ARHGAP21: variants seen among roughly 807,000 people sequenced by gnomAD.
ARHGAP21 encodes the protein rho GTPase-activating protein 21.
In ARHGAP21, 38 loss-of-function variants were observed where a neutral mutation model predicts 164.6. The observed-to-expected ratio is 0.23, with a 90% CI of 0.18 to 0.30. The LOEUF (loss-of-function observed/expected upper bound fraction) is 0.30. ARHGAP21 is among the 10% of genes least tolerant of loss of function. ARHGAP21 has a pLI of 1.00. For missense variants in ARHGAP21, 1,822 were observed against 2,370.7 expected (o/e 0.77, Z 4.81); for synonymous variants, 766 against 857.9 (o/e 0.89, Z 1.87).
At chr10:24,670,476 T>C in intron 2 of ARHGAP21, 79 bp from the exon 3 acceptor site, 1 of 976,098 alleles carries the variant, frequency 1.0e-6, no homozygotes, top group South Asian at 3.3e-5. Context: ...TGTAAAAATG[T>C]TAATACCTGA....
chr10:24,705,874 C>A (rs975465317), intron 2 of ARHGAP21, among the ~76,000 whole-genome samples: 1 of 152,046 alleles, frequency 6.6e-6, no homozygotes, highest in South Asian at 2.1e-4. Flanking sequence ...ATATTATCTA[C>A]GATTAACAAC....
At chr10:24,591,858 G>A (rs369840767) in intron 22 of ARHGAP21, 29 bp downstream of exon 22, 1 of 1,597,460 alleles carries the variant, frequency 6.3e-7, no homozygotes, top group Non-Finnish European at 8.5e-7. Context: ...GATGAAGCAT[G>A]AACTTACAGA....
At chr10:24,674,189 G>C (rs1457453728) in intron 2 of ARHGAP21, among the ~76,000 whole-genome samples, 1 of 152,142 alleles carries the variant, frequency 6.6e-6, no homozygotes, top group African/African-American at 2.4e-5. Context: ...CCAGGAGTTT[G>C]AGACCTGCCT....
At chr10:24,608,430 T>G (rs895211791) in intron 9 of ARHGAP21, among the ~76,000 whole-genome samples, 1 of 152,138 alleles carries the variant, frequency 6.6e-6, no homozygotes, top group African/African-American at 2.4e-5. Flanking sequence ...CCAGGGCCAT[T>G]TGCACAAAAT....
At chr10:24,653,429 A>T (rs534990964) in intron 4 of ARHGAP21, among the ~76,000 whole-genome samples, 8 of 152,288 alleles carry the variant, frequency 5.3e-5, no homozygotes, top group African/African-American at 1.9e-4. Context: ...AAAAAAAATT[A>T]GCCAGGCGTG....
intron 7 of ARHGAP21, among the ~76,000 whole-genome samples, chr10:24,625,437 G>C (rs1214676885): frequency 6.6e-6 from 1 of 150,990 alleles, no homozygotes; most frequent in Admixed American, 6.6e-5. Context: ...CTTCATGTTT[G>C]TTGGTAGATG....
At chr10:24,667,654 C>T (rs1840324325) in intron 3 of ARHGAP21, among the ~76,000 whole-genome samples, 2 of 152,104 alleles carry the variant, frequency 1.3e-5, no homozygotes, top group African/African-American at 4.8e-5. Flanking sequence ...GAGCCTCTAC[C>T]ATACTGGAGC....
At chr10:24,655,859 C>A (rs547263262) in intron 4 of ARHGAP21, among the ~76,000 whole-genome samples, 243 of 118,308 alleles carry the variant, frequency 2.1e-3, no homozygotes, top group Non-Finnish European at 2.6e-3. Flanking sequence ...AGCGCCTCTG[C>A]CCCGCCACCC....
chr10:24,605,988 T>A (rs1385505554), intron 11 of ARHGAP21, among the ~76,000 whole-genome samples: 1 of 152,172 alleles, frequency 6.6e-6, no homozygotes, highest in African/African-American at 2.4e-5. Context: ...AGATGATGTA[T>A]CATCGGTGGG....
intron 16 of ARHGAP21, 122 bp downstream of exon 16, chr10:24,597,325 T>C: frequency 1.5e-6 from 2 of 1,291,646 alleles, no homozygotes; most frequent in Non-Finnish European, 2.1e-6. Flanking sequence ...AAGCCTACTA[T>C]GAATTTTGAG....
intron 2 of ARHGAP21, among the ~76,000 whole-genome samples, chr10:24,695,050 C>CAAAAAAAAAAAAA (rs570457905): frequency 3.7e-4 from 29 of 78,502 alleles, no homozygotes; most frequent in South Asian, 5.6e-4. Flanking sequence ...AATTCCATCT[C>CAAAAAAAAAAAAA]AAAAAAAAAA....
chr10:24,687,126 G>A (rs1593287899), intron 2 of ARHGAP21, among the ~76,000 whole-genome samples: 1 of 52,050 alleles, frequency 1.9e-5, no homozygotes, highest in Non-Finnish European at 3.6e-5. Context: ...TGAGGTGGGA[G>A]GGTGAGCCCA....
At chr10:24,701,357 T>G (rs1053593902) in intron 2 of ARHGAP21, among the ~76,000 whole-genome samples, 1 of 152,078 alleles carries the variant, frequency 6.6e-6, no homozygotes. Flanking sequence ...AATGGACTTA[T>G]ACAAAATGAG....
intron 2 of ARHGAP21, among the ~76,000 whole-genome samples, chr10:24,683,302 T>A (rs1841944127): frequency 6.6e-6 from 1 of 152,198 alleles, no homozygotes; most frequent in African/African-American, 2.4e-5. Flanking sequence ...CTGGCTTTCA[T>A]AAACTAACTG....
intron 3 of ARHGAP21, among the ~76,000 whole-genome samples, chr10:24,667,751 CAAT>C (rs1354740806): frequency 6.6e-6 from 1 of 151,380 alleles, no homozygotes. Flanking sequence ...TTTGGCTGCC[CAAT>C]GTTTTTTTTT....
chr10:24,609,628 T>C (rs1208955760), intron 9 of ARHGAP21, among the ~76,000 whole-genome samples: 1 of 152,202 alleles, frequency 6.6e-6, no homozygotes, highest in Non-Finnish European at 1.5e-5. Context: ...AATCCAATTC[T>C]TGATTCCCTT....
chr10:24,645,193 A>G (rs1837438534), intron 4 of ARHGAP21, among the ~76,000 whole-genome samples: 1 of 152,118 alleles, frequency 6.6e-6, no homozygotes, highest in South Asian at 2.1e-4. Context: ...CTGGAATGCC[A>G]TTTTTCCTTC....
intron 3 of ARHGAP21, among the ~76,000 whole-genome samples, chr10:24,667,480 A>G (rs1840308939): frequency 6.6e-6 from 1 of 152,200 alleles, no homozygotes; most frequent in Non-Finnish European, 1.5e-5. Flanking sequence ...ATTGGTCCCA[A>G]ATTGCTACAT....
At chr10:24,604,572 T>G (rs1186403389) in intron 11 of ARHGAP21, among the ~76,000 whole-genome samples, 1 of 152,196 alleles carries the variant, frequency 6.6e-6, no homozygotes, top group African/African-American at 2.4e-5. Context: ...AAATTAAAAT[T>G]GTTTCTGCTT....
Sources: allele counts gnomAD v4.1 joint callset (sites outside exome capture counted in the v4.1 genomes callset), GRCh38; gene constraint gnomAD v4.1.1; transcripts MANE v1.5; gene names NCBI Gene and HGNC (gene_info 2026-07-23, HGNC 2026-07-21).